TMEM150B: variants seen among roughly 807,000 people sequenced by gnomAD.
TMEM150B encodes the protein transmembrane protein 150B.
A neutral mutation model predicts 25.2 loss-of-function variants in TMEM150B; 33 were observed. The ratio of observed to expected loss-of-function variants is 1.31; its 90% CI spans 0.99 to 1.75. The LOEUF (loss-of-function observed/expected upper bound fraction) is 1.75, where lower values mean the gene tolerates loss of function less well. Ranked by LOEUF, TMEM150B falls within the 40% of genes most tolerant of loss-of-function variation. TMEM150B has a pLI of 0.00. For synonymous variants in TMEM150B, 133 were observed against 134.8 expected, an observed-to-expected ratio of 0.99 and a Z score of 0.09; for missense variants, 322 against 306.1, an observed-to-expected ratio of 1.05 and a Z score of -0.39.
intron 2 of TMEM150B, 81 bp from the exon 3 acceptor site, chr19:55,321,174 G>A (rs998638001): frequency 4.8e-6 from 7 of 1,454,330 alleles, no homozygotes; most frequent in Non-Finnish European, 6.3e-6. Flanking sequence ...CTCTCAGGCA[G>A]AAGTCACCTG....
intron 6 of TMEM150B, chr19:55,319,722 T>C: frequency 8.9e-7 from 1 of 1,120,562 alleles, no homozygotes; most frequent in Non-Finnish European, 1.1e-6. Flanking sequence ...AGTGCTGGAA[T>C]TACAGGCATG....
chr19:55,321,856 T>C (rs770647665), intron 2 of TMEM150B, among the ~76,000 whole-genome samples: 13 of 152,156 alleles, frequency 8.5e-5, no homozygotes, highest in Non-Finnish European at 1.8e-4. Context: ...GTGAAGCTTC[T>C]GTTTTGGGGC....
At position 55,316,802 on chromosome 19, in the gene TMEM150B, G is replaced by A. The variant is rs1236424041; in HGVS notation, c.489C>T (p.Thr163=). ...PLRLGLCSVC[T]ILIVAMIVLH... The stretch of plus-strand genomic sequence containing the variant: ...GAAGGATACTGGCCACAATGAGGAT[G>A]GTGCAGACGCTGCAGAGGCCCAGGC... Residue 163 remains threonine, a synonymous_variant, in exon 7 of 8, where the codon ACC becomes ACT. Coordinates refer to ENST00000326652, the MANE Select transcript of TMEM150B (RefSeq NM_001282011.2). The A allele has an allele frequency of 1.3e-6, 2 of 1,543,114 alleles. No homozygotes were observed. The highest frequency in any genetic ancestry group is 4.7e-5 in the Admixed American group (2 of 42,718).
At chr19:55,315,898 C>G (rs969803365) in intron 7 of TMEM150B, among the ~76,000 whole-genome samples, 1 of 152,144 alleles carries the variant, frequency 6.6e-6, no homozygotes. Flanking sequence ...CCACTGCACT[C>G]CAGCCTGGGC....
chr19:55,324,062 C>T (rs1400591768), intron 1 of TMEM150B, among the ~76,000 whole-genome samples: 1 of 150,662 alleles, frequency 6.6e-6, no homozygotes, highest in East Asian at 2.0e-4. Flanking sequence ...CCTGCCTCAG[C>T]CTCCCAAAGT....
chr19:55,316,806 C>T lies in TMEM150B; in HGVS notation c.485G>A (p.Cys162Tyr). The change falls in exon 7 of 8, where the codon TGC (cysteine) becomes TAC (tyrosine). Residue 162 changes from cysteine (C) to tyrosine (Y), a missense_variant. Transcript: ENST00000326652. ...GATACTGGCCACAATGAGGATGGTG[C>T]AGACGCTGCAGAGGCCCAGGCGGAG... ...GPLRLGLCSVCTILIVAMIVL... is the reference protein window; with the variant it reads ...GPLRLGLCSVYTILIVAMIVL... The T allele has an allele frequency of 6.4e-7, 1 of 1,559,712 alleles. No individual in the cohort carries two copies. Among genetic ancestry groups the T allele is most frequent in the Non-Finnish European group, 8.6e-7 (1 of 1,160,284 alleles).
chr19:55,320,164 C>A lies in TMEM150B; in HGVS notation c.199G>T (p.Ala67Ser), dbSNP rs777766455. Reference sequence around the variant, plus strand: ...TGGTAACGGACAATGCAGATCCACGCGGCTGGGAGTAGAGGGGAGAAGGAA... The same window carrying A: ...TGGTAACGGACAATGCAGATCCACGAGGCTGGGAGTAGAGGGGAGAAGGAA... ...QVLNMGAALA[A>S]WICIVRYHQL... is the part of the protein sequence containing the mutation. Residue 67 changes from alanine to serine, a missense_variant and splice_region_variant, in exon 6 of 8, where the codon GCG (alanine) becomes TCG (serine). Ala to Ser is a moderately conservative substitution (Grantham distance 99). Transcript: ENST00000326652. 3.1e-6 allele frequency: 5 copies of A among 1,613,754 alleles called. No homozygotes were observed. In the Admixed American group the frequency reaches 5.0e-5, roughly 16 times the overall value.
intron 6 of TMEM150B, 22 bp from the exon 7 acceptor site, chr19:55,316,988 TG>T: frequency 6.3e-7 from 1 of 1,587,018 alleles, no homozygotes; most frequent in Non-Finnish European, 8.5e-7. Context: ...AGGGAGAAGT[TG>T]GGAGGGAGAC....
chr19:55,312,199 G>A, downstream of TMEM150B: 1 of 500,500 alleles, frequency 2.0e-6, no homozygotes. Flanking sequence ...TTGCCCTGCA[G>A]GGATGGGGCT....
In TMEM150B at chr19:55,316,772, T is replaced by C. The variant is rs1358933415; in HGVS notation, c.505+14A>G. 2 of 1,489,564 alleles carry C rather than the reference T, an allele frequency of 1.3e-6. No homozygotes were observed. The highest frequency in any genetic ancestry group is 2.6e-5 in the East Asian group (1 of 38,700). 92.3% of individuals were successfully genotyped at this position (1,489,564 alleles called of 1,614,324 possible). On this transcript the variant is annotated intron_variant, in intron 7 of 7. Coordinates refer to ENST00000326652, the MANE Select transcript of TMEM150B (RefSeq NM_001282011.2). ...AGCCACCTCCAAGCCCTACCCCGGA[T>C]ACAAGAAGGATACTGGCCACAATGA...
chr19:55,323,802 C>CTT (rs367630607), intron 1 of TMEM150B, among the ~76,000 whole-genome samples: 3,193 of 100,854 alleles, frequency 0.032, 158 homozygotes, highest in African/African-American at 0.058. Context: ...TGCGCCCAAC[C>CTT]TTTTTTTTTT....
In TMEM150B at chr19:55,313,051, G is replaced by A. The variant is rs1356491667; in HGVS notation, c.510C>T (p.Ile170=). 6 of 1,609,266 alleles carry A rather than the reference G, an allele frequency of 3.7e-6. No homozygotes were observed. In the East Asian group the frequency reaches 6.7e-5, roughly 18 times the overall value. ...TACGCAGCGAGCAGGCGTGGAGGACGATCACTGCCCCAGGGTCAAGGGCCA... is the reference window on the plus strand; with the variant it reads ...TACGCAGCGAGCAGGCGTGGAGGACAATCACTGCCCCAGGGTCAAGGGCCA... ...SVCTILIVAM[I]VLHACSLRSV... Residue 170 remains isoleucine, a synonymous_variant, in exon 8 of 8, where the codon ATC becomes ATT. Transcript: ENST00000326652.
rs558141243 is a variant in TMEM150B at position 55,320,193 on chromosome 19, G to T, written c.197-27C>A. ...TGGGAGTAGAGGGGAGAAGGAAGTG[G>T]GAGGGAGACCCACCAAGAACTCCTG... On this transcript the variant is annotated intron_variant, in intron 5 of 7. Transcript: ENST00000326652. The T allele has an allele frequency of 1.3e-5, 21 of 1,609,808 alleles. No individual in the cohort carries two copies. The African/African-American group carries it at 2.5e-4, about 19-fold the overall frequency.
chr19:55,312,760 G>A (rs915597958), downstream of TMEM150B: 1 of 1,302,608 alleles, frequency 7.7e-7, no homozygotes, highest in African/African-American at 1.5e-5. Context: ...GCTGGTTGGA[G>A]AGATCTCCAG....
At chr19:55,313,491 A>G (rs1172127720) in intron 7 of TMEM150B, among the ~76,000 whole-genome samples, 1 of 151,976 alleles carries the variant, frequency 6.6e-6, no homozygotes, top group Non-Finnish European at 1.5e-5. Flanking sequence ...CCCGCTACCC[A>G]TGGCCTACAG....
At chr19:55,317,077 A>G in intron 6 of TMEM150B, 111 bp from the exon 7 acceptor site, 1 of 911,524 alleles carries the variant, frequency 1.1e-6, no homozygotes, top group Middle Eastern at 2.5e-4. Flanking sequence ...CCAACTTTCC[A>G]TACCCAGTGA....
chr19:55,320,711 C>G, intron 3 of TMEM150B, 94 bp from the exon 4 acceptor site: 1 of 1,497,698 alleles, frequency 6.7e-7, no homozygotes, highest in Admixed American at 1.7e-5. Context: ...CCTCCACCCT[C>G]AGACCAGGAG....
At position 55,312,803 on chromosome 19, in the gene TMEM150B, T is replaced by C. The variant is rs1194295050; in HGVS notation, c.*56A>G. On this transcript the variant is annotated 3_prime_UTR_variant, in exon 8 of 8. Coordinates refer to ENST00000326652, the MANE Select transcript of TMEM150B (RefSeq NM_001282011.2). ...TCTTGCTGGGTGCGGGGCACTGGGA[T>C]TGGCCCCATCTTTCCTGCTTCACTG... is the stretch of plus-strand genomic sequence containing the variant. 8 of 1,496,346 alleles carry C rather than the reference T, an allele frequency of 5.3e-6. No homozygotes were observed. The African/African-American group carries it at 6.9e-5, about 13-fold the overall frequency. 92.7% of individuals were successfully genotyped at this position (1,496,346 alleles called of 1,614,324 possible).
intron 6 of TMEM150B, chr19:55,319,713 G>A (rs1178986028): frequency 3.8e-5 from 42 of 1,099,508 alleles, no homozygotes; most frequent in Non-Finnish European, 4.7e-5. Flanking sequence ...GCCTCCCAAA[G>A]TGCTGGAATT....
Sources: allele counts gnomAD v4.1 joint callset (sites outside exome capture counted in the v4.1 genomes callset), GRCh38; gene constraint gnomAD v4.1.1; transcripts MANE v1.5; gene names NCBI Gene and HGNC (gene_info 2026-07-23, HGNC 2026-07-21).